The following AQP9 variants were observed in gnomAD, a reference collection of about 807,000 sequenced individuals.
The protein encoded by AQP9 is aquaporin-9.
A neutral mutation model predicts 23.8 loss-of-function variants in AQP9; 19 were observed. That is an observed-to-expected ratio of 0.80 (90% CI 0.56 to 1.17). The LOEUF (loss-of-function observed/expected upper bound fraction) is 1.17, where lower values mean the gene tolerates loss of function less well. Among genes scored for constraint, AQP9 ranks in the 50% most tolerant of loss-of-function variants. The pLI is 0.00. For missense variants in AQP9, 413 were observed against 362.0 expected (o/e 1.14, Z -1.14); for synonymous variants, 153 against 131.5 (o/e 1.16, Z -1.12).
intron 1 of AQP9, among the ~76,000 whole-genome samples, chr15:58,158,123 G>T (rs1898301757): frequency 6.6e-6 from 1 of 152,146 alleles, no homozygotes; most frequent in Non-Finnish European, 1.5e-5. Context: ...ACAGATGGCT[G>T]CTACCTGGGG....
chr15:58,181,888 C>A (rs1898895526), intron 5 of AQP9, among the ~76,000 whole-genome samples: 1 of 152,146 alleles, frequency 6.6e-6, no homozygotes. Flanking sequence ...CTTTGAGGGA[C>A]AACAGGCTTC....
intron 5 of AQP9, among the ~76,000 whole-genome samples, chr15:58,181,931 A>G (rs1595748618): frequency 6.6e-6 from 1 of 152,162 alleles, no homozygotes; most frequent in East Asian, 1.9e-4. Flanking sequence ...ATTTCCTCAG[A>G]GTTCTATATT....
intron 2 of AQP9, among the ~76,000 whole-genome samples, chr15:58,171,307 T>C (rs569201555): frequency 6.6e-6 from 1 of 152,218 alleles, no homozygotes; most frequent in South Asian, 2.1e-4. Flanking sequence ...CAGGCTGGTC[T>C]CAAACTCCTG....
At position 58,172,681 on chromosome 15, in the gene AQP9, A is replaced by T. The variant is rs556479764; in HGVS notation, c.239-387A>T. 7.2e-5 allele frequency among the ~76,000 whole-genome samples: 11 copies of T among 152,300 alleles called. No individual in the cohort carries two copies. The East Asian group carries it at 2.1e-3, about 29-fold the overall frequency. Reference sequence around the variant, plus strand: ...ATATAGATTTAAATCTTATACATATATTGGATAAGCATATTGACTTTTAAA... The same window carrying T: ...ATATAGATTTAAATCTTATACATATTTTGGATAAGCATATTGACTTTTAAA... On this transcript the variant is annotated intron_variant, in intron 2 of 5. Transcript: ENST00000219919.
At chr15:58,183,866 G>C in intron 5 of AQP9, 95 bp from the exon 6 acceptor site, 1 of 1,383,540 alleles carries the variant, frequency 7.2e-7, no homozygotes, top group Non-Finnish European at 1.0e-6. Flanking sequence ...AGGGAACCAT[G>C]AGTGTGAGAA....
Position 58,184,999 on chromosome 15 carries a change from C to T in AQP9, c.*864C>T, listed in dbSNP as rs1295122407. The T allele has an allele frequency of 1.3e-5, 2 of 152,142 alleles. No individual in the cohort carries two copies. Among genetic ancestry groups the T allele is most frequent in the African/African-American group, 4.8e-5 (2 of 41,428 alleles). The allele number at this position is 152,142 out of a possible 1,614,324, so 9.4% of individuals were successfully genotyped here. A position where few individuals can be genotyped will look rare whatever the true frequency, so the allele number is the denominator to read the frequency against. ...AAGTTATATCAACGACTGTGCTTGT[C>T]CATTATTTTACACATGCCCTAGAAG... is the stretch of plus-strand genomic sequence containing the variant. On this transcript the variant is annotated 3_prime_UTR_variant, in exon 6 of 6. Transcript: ENST00000219919.
chr15:58,144,117 C>G (rs1206929648), intron 1 of AQP9, among the ~76,000 whole-genome samples: 1 of 152,170 alleles, frequency 6.6e-6, no homozygotes, highest in Non-Finnish European at 1.5e-5. Context: ...TTAGGTGCCT[C>G]TTTTGTAAAT....
intron 4 of AQP9, among the ~76,000 whole-genome samples, chr15:58,177,358 T>C (rs1898781697): frequency 1.3e-5 from 2 of 152,194 alleles, no homozygotes; most frequent in South Asian, 4.1e-4. Context: ...GTAGATACTC[T>C]TTTGCAGAGT....
rs1898999098 is a variant in AQP9 at position 58,185,275 on chromosome 15, C to T, written c.*1140C>T. The T allele has an allele frequency of 6.6e-6, 1 of 152,646 alleles. No individual in the cohort carries two copies. The highest frequency in any genetic ancestry group is 6.5e-5 in the Admixed American group (1 of 15,280). The allele number at this position is 152,646 out of a possible 1,614,324, so 9.5% of individuals were successfully genotyped here. A position where few individuals can be genotyped will look rare whatever the true frequency, so the allele number is the denominator to read the frequency against. ...AAAGTTGAATGTTATCTAATGCATT[C>T]CTCTACCTTTCAGAAGATCAGTAGC... On this transcript the variant is annotated 3_prime_UTR_variant, in exon 6 of 6. Coordinates refer to ENST00000219919, the MANE Select transcript of AQP9 (RefSeq NM_020980.5).
chr15:58,184,936 T>G lies in AQP9; in HGVS notation c.*801T>G, dbSNP rs1174857471. 1 of 152,242 alleles carries G rather than the reference T, an allele frequency of 6.6e-6. No individual in the cohort carries two copies. The highest frequency in any genetic ancestry group is 1.5e-5 in the Non-Finnish European group (1 of 68,040). The allele number at this position is 152,242 out of a possible 1,614,324, so 9.4% of individuals were successfully genotyped here. A position where few individuals can be genotyped will look rare whatever the true frequency, so the allele number is the denominator to read the frequency against. On this transcript the variant is annotated 3_prime_UTR_variant, in exon 6 of 6. Coordinates refer to ENST00000219919, the MANE Select transcript of AQP9 (RefSeq NM_020980.5). The stretch of plus-strand genomic sequence containing the variant: ...TCACTCTGTCTTTTTAGCTCAAATG[T>G]ATTTTCCTAATTGCCCACTTGAGAA...
At chr15:58,144,509 T>G (rs1175076455) in intron 1 of AQP9, among the ~76,000 whole-genome samples, 3 of 152,250 alleles carry the variant, frequency 2.0e-5, no homozygotes, top group Admixed American at 6.5e-5. Flanking sequence ...ATACCATTTT[T>G]TTTGTTGTTG....
chr15:58,171,111 C>T (rs7496709), intron 2 of AQP9, among the ~76,000 whole-genome samples: 30,821 of 142,384 alleles, frequency 0.22, 3,691 homozygotes, highest in African/African-American at 0.34. Context: ...TTTTTTGAGA[C>T]GGAGTTTCGC....
At position 58,184,418 on chromosome 15, in the gene AQP9, G is replaced by A. The variant is rs1209814364; in HGVS notation, c.*283G>A. On this transcript the variant is annotated 3_prime_UTR_variant, in exon 6 of 6. Coordinates refer to ENST00000219919, the MANE Select transcript of AQP9 (RefSeq NM_020980.5). Reference sequence around the variant, plus strand: ...TCATCCTCGATGGGAATTCTTGCTAGGTAAGCACTAATAACTCGGCATCTT... The same window carrying A: ...TCATCCTCGATGGGAATTCTTGCTAAGTAAGCACTAATAACTCGGCATCTT... The A allele has an allele frequency of 1.6e-5, 5 of 318,450 alleles. No homozygotes were observed. Among genetic ancestry groups the A allele is most frequent in the Non-Finnish European group, 2.9e-5 (5 of 174,962 alleles). The allele number at this position is 318,450 out of a possible 1,614,324, so 19.7% of individuals were successfully genotyped here. A position where few individuals can be genotyped will look rare whatever the true frequency, so the allele number is the denominator to read the frequency against.
chr15:58,158,487 G>A (rs1254623558), intron 1 of AQP9, among the ~76,000 whole-genome samples: 1 of 152,096 alleles, frequency 6.6e-6, no homozygotes, highest in Non-Finnish European at 1.5e-5. Flanking sequence ...GTTAATAATG[G>A]GATAGTGATA....
chr15:58,160,686 G>T (rs1898359751), intron 1 of AQP9, among the ~76,000 whole-genome samples: 1 of 151,938 alleles, frequency 6.6e-6, no homozygotes, highest in South Asian at 2.1e-4. Flanking sequence ...GGGGGTGGGG[G>T]GTCGGTGCCA....
chr15:58,147,657 T>G (rs1221159705), intron 1 of AQP9, among the ~76,000 whole-genome samples: 1 of 152,180 alleles, frequency 6.6e-6, no homozygotes, highest in Non-Finnish European at 1.5e-5. Flanking sequence ...TCAGCGCACA[T>G]GCCTTAGAGT....
At chr15:58,165,961 C>A (rs764024509) in intron 1 of AQP9, among the ~76,000 whole-genome samples, 9 of 152,170 alleles carry the variant, frequency 5.9e-5, no homozygotes, top group Non-Finnish European at 1.0e-4. Context: ...ATAAGGGGGT[C>A]CTGATTGCCA....
chr15:58,140,357 G>A lies in AQP9; in HGVS notation c.111+1681G>A, dbSNP rs1418518284. On this transcript the variant is annotated intron_variant, in intron 1 of 5. Coordinates refer to ENST00000219919, the MANE Select transcript of AQP9 (RefSeq NM_020980.5). ...TGTCTTCCCCACTATGCAAGGTAGG[G>A]GCTAAATAAAGAACATCTTGATATT... Among the ~76,000 whole-genome samples the A allele has an allele frequency of 2.6e-5, 4 of 152,060 alleles. No individual in the cohort carries two copies. In the East Asian group the frequency reaches 7.7e-4, roughly 29 times the overall value.
At chr15:58,181,119 G>A (rs529661089) in intron 5 of AQP9, among the ~76,000 whole-genome samples, 4 of 152,306 alleles carry the variant, frequency 2.6e-5, no homozygotes, top group Non-Finnish European at 5.9e-5. Context: ...AACAGATGGA[G>A]ATCTTGCCCA....
Sources: allele counts gnomAD v4.1 joint callset (sites outside exome capture counted in the v4.1 genomes callset), GRCh38; gene constraint gnomAD v4.1.1; transcripts MANE v1.5; gene names NCBI Gene and HGNC (gene_info 2026-07-23, HGNC 2026-07-21).